The following RGS10 variants were observed in gnomAD, a reference collection of about 807,000 sequenced individuals.
RGS10 encodes the protein regulator of G protein signaling 10.
A neutral mutation model predicts 23.5 loss-of-function variants in RGS10; 11 were observed. The observed-to-expected ratio is 0.47, with a 90% CI of 0.29 to 0.77. RGS10 has a LOEUF of 0.77. Ranked by LOEUF, RGS10 falls within the 30% of genes least tolerant of loss-of-function variation. The pLI, the probability that RGS10 is intolerant of heterozygous loss-of-function variation, is 0.08. For missense variants in RGS10, 180 were observed against 226.3 expected (o/e 0.80, Z 1.31); for synonymous variants, 77 against 83.2 (o/e 0.92, Z 0.41).
intron 4 of RGS10, among the ~76,000 whole-genome samples, chr10:119,512,324 C>G (rs1160593220): frequency 1.3e-5 from 2 of 152,194 alleles, no homozygotes; most frequent in Non-Finnish European, 2.9e-5. Context: ...GAAAACAGAG[C>G]TCTCGAGGGA....
chr10:119,529,064 G>A (rs1366336523), intron 1 of RGS10, among the ~76,000 whole-genome samples: 1 of 152,110 alleles, frequency 6.6e-6, no homozygotes, highest in Non-Finnish European at 1.5e-5. Context: ...TAGGAGGAGG[G>A]AACAATTAAA....
At position 119,524,629 on chromosome 10, in the gene RGS10, T is replaced by C. The variant is rs989126872; in HGVS notation, c.255+1403A>G. Among the ~76,000 whole-genome samples, 2 of 152,072 alleles carry C rather than the reference T, an allele frequency of 1.3e-5. No homozygotes were observed. The highest frequency in any genetic ancestry group is 4.8e-5 in the African/African-American group (2 of 41,394). ...TTCTGAAGGCCCTCAGCCTGAATCC[T>C]AGCATCCCAAAGCATCCCCCACCAC... On this transcript the variant is annotated intron_variant, in intron 3 of 4. Transcript: ENST00000369103. This position sits in a 1 kb window ranked among gnomAD's most constrained non-coding sequence, Gnocchi z 5.2.
intron 1 of RGS10, among the ~76,000 whole-genome samples, chr10:119,539,501 G>T (rs1844418280): frequency 6.6e-6 from 1 of 152,182 alleles, no homozygotes; most frequent in African/African-American, 2.4e-5. Flanking sequence ...ACAATGCAAG[G>T]TTGATAACTG....
chr10:119,505,397 A>G (rs1843998903), intron 4 of RGS10, among the ~76,000 whole-genome samples: 1 of 138,966 alleles, frequency 7.2e-6, no homozygotes, highest in South Asian at 2.2e-4. Context: ...GCAGCCCCAC[A>G]TCTGCAAGCT....
chr10:119,532,434 C>A (rs913958638), intron 1 of RGS10, among the ~76,000 whole-genome samples: 1 of 152,084 alleles, frequency 6.6e-6, no homozygotes, highest in Non-Finnish European at 1.5e-5. Context: ...AGTTACGACC[C>A]GTGGGCGCGG....
intron 4 of RGS10, among the ~76,000 whole-genome samples, chr10:119,514,771 G>A (rs901106815): frequency 1.3e-5 from 2 of 152,112 alleles, no homozygotes; most frequent in African/African-American, 4.8e-5. Context: ...CGCAACCCTG[G>A]CTGCACTTTC....
chr10:119,540,550 C>T (rs1054420057), intron 1 of RGS10, among the ~76,000 whole-genome samples: 1 of 152,202 alleles, frequency 6.6e-6, no homozygotes, highest in Admixed American at 6.5e-5. Flanking sequence ...CTGAGCCCGG[C>T]CTGAGACCGA....
chr10:119,512,763 C>T (rs1844093584), intron 4 of RGS10, among the ~76,000 whole-genome samples: 1 of 152,126 alleles, frequency 6.6e-6, no homozygotes, highest in Non-Finnish European at 1.5e-5. Context: ...GGCCAGGCTG[C>T]TCTGGAACTC....
chr10:119,502,761 G>A (rs528304934), intron 4 of RGS10, among the ~76,000 whole-genome samples: 7 of 152,246 alleles, frequency 4.6e-5, no homozygotes, highest in African/African-American at 1.2e-4. Flanking sequence ...CTCCCTACTG[G>A]GGCAGGTGTG....
chr10:119,538,356 G>A lies in RGS10; in HGVS notation c.49+4234C>T, dbSNP rs958519736. Reference sequence around the variant, plus strand: ...TCCCTGCCCCTTAGTGGCCTCTGCAGCCCTTGAGGGAGAAATGAAATGGTT... The same window carrying A: ...TCCCTGCCCCTTAGTGGCCTCTGCAACCCTTGAGGGAGAAATGAAATGGTT... On this transcript the variant is annotated intron_variant, in intron 1 of 4. Coordinates refer to ENST00000369103, the MANE Select transcript of RGS10 (RefSeq NM_001005339.2). This position sits in a 1 kb window ranked among gnomAD's most constrained non-coding sequence, Gnocchi z 4.5. 3.9e-5 allele frequency among the ~76,000 whole-genome samples: 6 copies of A among 152,220 alleles called. No individual in the cohort carries two copies. The highest frequency in any genetic ancestry group is 1.2e-4 in the African/African-American group (5 of 41,464).
intron 3 of RGS10, among the ~76,000 whole-genome samples, chr10:119,523,440 G>A (rs547110982): frequency 1.9e-4 from 29 of 152,294 alleles, no homozygotes; most frequent in African/African-American, 6.3e-4. Flanking sequence ...CAAGACAGGC[G>A]GATCACTTGA....
At position 119,517,890 on chromosome 10, in the gene RGS10, T is replaced by A. The variant is rs1207945403; in HGVS notation, c.256-2238A>T. Among the ~76,000 whole-genome samples the A allele has an allele frequency of 1.3e-5, 2 of 152,004 alleles. No homozygotes were observed. Among genetic ancestry groups the A allele is most frequent in the African/African-American group, 4.8e-5 (2 of 41,368 alleles). Reference sequence around the variant, plus strand: ...TCTTCCACCGGCTGTCCCTCCTGAGTCTGCGTGAGAACAATGTGGGGTTCA... The same window carrying A: ...TCTTCCACCGGCTGTCCCTCCTGAGACTGCGTGAGAACAATGTGGGGTTCA... On this transcript the variant is annotated intron_variant, in intron 3 of 4. Coordinates refer to ENST00000369103, the MANE Select transcript of RGS10 (RefSeq NM_001005339.2). The surrounding 1 kb of genome is among the most constrained non-coding windows in gnomAD (Gnocchi z 5.0).
At chr10:119,505,904 G>A (rs3009912) in intron 4 of RGS10, among the ~76,000 whole-genome samples, 151,384 of 152,368 alleles carry the variant, frequency 0.99, 75,209 homozygotes, top group Middle Eastern at 1. Flanking sequence ...CAGCACAGGA[G>A]GAAAAAAATC....
chr10:119,540,832 CT>C (rs1389604934), intron 1 of RGS10, among the ~76,000 whole-genome samples: 1 of 152,182 alleles, frequency 6.6e-6, no homozygotes, highest in Admixed American at 6.5e-5. Flanking sequence ...AATTATTACA[CT>C]TTTATTATGT....
rs1844152079 is a variant in RGS10, at chr10:119,517,023, A to G, written c.256-1371T>C. On this transcript the variant is annotated intron_variant, in intron 3 of 4. Transcript: ENST00000369103. This position sits in a 1 kb window ranked among gnomAD's most constrained non-coding sequence, Gnocchi z 5.0. Reference sequence around the variant, plus strand: ...ATGACATGTGTGTGGGGGGCCTGGAAAACTGCCTTTCTCTCCAAGAGCCCA... The same window carrying G: ...ATGACATGTGTGTGGGGGGCCTGGAGAACTGCCTTTCTCTCCAAGAGCCCA... Among the ~76,000 whole-genome samples the G allele has an allele frequency of 1.3e-5, 2 of 152,218 alleles. No homozygotes were observed. Among genetic ancestry groups the G allele is most frequent in the South Asian group, 4.1e-4 (2 of 4,830 alleles).
chr10:119,542,618 G>T lies in RGS10; in HGVS notation c.21C>A (p.Ser7Arg). The change falls in exon 1 of 5, where the codon AGC becomes AGA. Residue 7 changes from serine (S) to arginine (R), a missense_variant. Physicochemically the swap from Ser to Arg is moderately radical, Grantham distance 110 (BLOSUM62 -1). Transcript: ENST00000369103. MFNRAV[S>R]RLSRKRPPSD... ...ACGGCGGCCGCTTCCTGCTCAGCCGGCTCACGGCGCGGTTGAACATCGCCG... is the reference window on the plus strand; with the variant it reads ...ACGGCGGCCGCTTCCTGCTCAGCCGTCTCACGGCGCGGTTGAACATCGCCG... 7.0e-7 allele frequency: 1 copy of T among 1,426,778 alleles called. No individual in the cohort carries two copies. Among genetic ancestry groups the T allele is most frequent in the South Asian group, 1.4e-5 (1 of 72,084 alleles). 88.4% of individuals were successfully genotyped at this position (1,426,778 alleles called of 1,614,324 possible).
At chr10:119,514,082 G>A (rs944935818) in intron 4 of RGS10, among the ~76,000 whole-genome samples, 9 of 152,350 alleles carry the variant, frequency 5.9e-5, no homozygotes, top group East Asian at 1.9e-4. Flanking sequence ...AGGGCCAGGC[G>A]TGGTGGCTCA....
rs1160246510 is a variant in RGS10 at position 119,524,755 on chromosome 10, G to A, written c.255+1277C>T. Among the ~76,000 whole-genome samples, 1 of 152,232 alleles carries A rather than the reference G, an allele frequency of 6.6e-6. No homozygotes were observed. The highest frequency in any genetic ancestry group is 1.9e-4 in the East Asian group (1 of 5,168). On this transcript the variant is annotated intron_variant, in intron 3 of 4. Transcript: ENST00000369103. The surrounding 1 kb of genome is among the most constrained non-coding windows in gnomAD (Gnocchi z 5.2). ...CCAGAAAGCAAAATCCAAGGGTCCC[G>A]CCCAGTAACAGCTTTCGAGGTGGGC...
In RGS10 at chr10:119,527,342, A is replaced by T; in HGVS notation, c.132T>A (p.Asn44Lys). 6.2e-7 allele frequency: 1 copy of T among 1,614,178 alleles called. No individual in the cohort carries two copies. The highest frequency in any genetic ancestry group is 8.5e-7 in the Non-Finnish European group (1 of 1,180,002). The change falls in exon 2 of 5, where the codon AAT (asparagine) becomes AAA (lysine). Residue 44 changes from asparagine (N) to lysine (K), a missense_variant. Physicochemically the swap from Asn to Lys is moderately conservative, Grantham distance 94 (BLOSUM62 0). Coordinates refer to ENST00000369103, the MANE Select transcript of RGS10 (RefSeq NM_001005339.2). This position sits in a 1 kb window ranked among gnomAD's most constrained non-coding sequence, Gnocchi z 4.2. ...TCACGCCTTCTGGGTCTTCCAGCAG[A>T]TTCTCCAGGGATGCCGCCCATTTGG... ...STAKWAASLE[N>K]LLEDPEGVKR...
Sources: allele counts gnomAD v4.1 joint callset (sites outside exome capture counted in the v4.1 genomes callset), GRCh38; gene constraint gnomAD v4.1.1; non-coding constraint Gnocchi (gnomAD v3.1); transcripts MANE v1.5; gene names NCBI Gene and HGNC (gene_info 2026-07-23, HGNC 2026-07-21).